GALNT17: variants seen among roughly 807,000 people sequenced by gnomAD.
The protein encoded by GALNT17 is UDP-GalNAc:polypeptide N-acetylgalactosaminyltransferase-like 3.
Under a neutral mutation model 63.7 loss-of-function variants are expected in GALNT17, and 29 were observed. That is an observed-to-expected ratio of 0.46 (90% CI 0.34 to 0.62). The LOEUF is 0.62. GALNT17 is among the 20% of genes least tolerant of loss of function. The pLI is 0.01. For missense variants in GALNT17, 603 were observed against 799.6 expected (o/e 0.75, Z 2.97); for synonymous variants, 305 against 318.3 (o/e 0.96, Z 0.45).
chr7:71,336,519 C>G (rs1297083903), intron 2 of GALNT17, among the ~76,000 whole-genome samples: 1 of 152,128 alleles, frequency 6.6e-6, no homozygotes, highest in Non-Finnish European at 1.5e-5. Flanking sequence ...AAGTAGGCCT[C>G]ATGTCTATTG....
chr7:71,294,368 A>G (rs563985429), intron 1 of GALNT17, among the ~76,000 whole-genome samples: 165 of 149,528 alleles, frequency 1.1e-3, no homozygotes, highest in African/African-American at 3.9e-3. Context: ...TGGAATGCTC[A>G]CAATATGCAT....
chr7:71,168,164 A>G (rs781192272), intron 1 of GALNT17, among the ~76,000 whole-genome samples: 1 of 152,140 alleles, frequency 6.6e-6, no homozygotes, highest in Non-Finnish European at 1.5e-5. Context: ...TGGACTCTGT[A>G]TTCTGTCCAT....
chr7:71,540,597 T>C (rs1788873008), intron 5 of GALNT17, among the ~76,000 whole-genome samples: 1 of 152,056 alleles, frequency 6.6e-6, no homozygotes, highest in Non-Finnish European at 1.5e-5. Flanking sequence ...TGATGGACAC[T>C]AGGGTTTTGT....
At chr7:71,264,679 A>G (rs886764716) in intron 1 of GALNT17, among the ~76,000 whole-genome samples, 2 of 152,174 alleles carry the variant, frequency 1.3e-5, no homozygotes, top group African/African-American at 4.8e-5. Flanking sequence ...ATTTGCAGGG[A>G]CATGGATGGA....
chr7:71,288,653 C>T (rs1256543876), intron 1 of GALNT17, among the ~76,000 whole-genome samples: 1 of 152,070 alleles, frequency 6.6e-6, no homozygotes, highest in Admixed American at 6.6e-5. Flanking sequence ...GTGCAGTGAC[C>T]TTGCGTTTAG....
intron 1 of GALNT17, among the ~76,000 whole-genome samples, chr7:71,320,895 G>A (rs1040560327): frequency 2.6e-5 from 4 of 152,144 alleles, no homozygotes; most frequent in African/African-American, 9.7e-5. Context: ...TAATCACTGG[G>A]GATGTACCCA....
chr7:71,651,917 T>G (rs1488573428), intron 6 of GALNT17, among the ~76,000 whole-genome samples: 1 of 151,976 alleles, frequency 6.6e-6, no homozygotes, highest in Non-Finnish European at 1.5e-5. Context: ...TCCAGGCTGG[T>G]CTTGAACTCC....
intron 1 of GALNT17, among the ~76,000 whole-genome samples, chr7:71,298,653 G>T (rs1258646694): frequency 6.6e-6 from 1 of 151,848 alleles, no homozygotes; most frequent in Non-Finnish European, 1.5e-5. Flanking sequence ...GTGTGTTCAG[G>T]TCACTGTAAT....
chr7:71,237,986 A>G (rs1789925719), intron 1 of GALNT17, among the ~76,000 whole-genome samples: 1 of 152,234 alleles, frequency 6.6e-6, no homozygotes, highest in Non-Finnish European at 1.5e-5. Context: ...CAATGGAGTG[A>G]AAAATATCCA....
intron 1 of GALNT17, among the ~76,000 whole-genome samples, chr7:71,290,807 C>T (rs1400140342): frequency 6.6e-6 from 1 of 152,136 alleles, no homozygotes; most frequent in African/African-American, 2.4e-5. Context: ...GCTCAGACTC[C>T]AGAGAGCCGT....
chr7:71,635,772 T>C (rs1030871942), intron 6 of GALNT17, among the ~76,000 whole-genome samples: 1 of 152,228 alleles, frequency 6.6e-6, no homozygotes, highest in African/African-American at 2.4e-5. Context: ...AGAGGTGGAT[T>C]ATTCATGCCT....
At position 71,551,194 on chromosome 7, in the gene GALNT17, G is replaced by A. The variant is rs1300105472; in HGVS notation, c.963-20091G>A. ...ATTCTTCATAGTTTCTTCTGTCTTA[G>A]CCTCTAGTTCATTAATGCTCTCTTC... On this transcript the variant is annotated intron_variant, in intron 5 of 10. Transcript: ENST00000333538. Among the ~76,000 whole-genome samples, 5 of 152,004 alleles carry A rather than the reference G, an allele frequency of 3.3e-5. No individual in the cohort carries two copies. In the East Asian group the frequency reaches 9.7e-4, roughly 29 times the overall value.
chr7:71,244,817 G>A (rs775061557), intron 1 of GALNT17, among the ~76,000 whole-genome samples: 9 of 152,056 alleles, frequency 5.9e-5, no homozygotes, highest in Non-Finnish European at 1.2e-4. Flanking sequence ...GGGCATGGTG[G>A]TGCACACCTG....
intron 9 of GALNT17, among the ~76,000 whole-genome samples, chr7:71,694,694 C>T (rs1791514540): frequency 6.6e-6 from 1 of 152,170 alleles, no homozygotes; most frequent in Non-Finnish European, 1.5e-5. Flanking sequence ...CGGTGCCCAG[C>T]CATTATCCCC....
At chr7:71,422,719 C>T (rs1039149275) in intron 5 of GALNT17, among the ~76,000 whole-genome samples, 21 of 152,348 alleles carry the variant, frequency 1.4e-4, no homozygotes, top group African/African-American at 4.8e-4. Context: ...TTGCCATCTG[C>T]AGGGAGCTTG....
intron 2 of GALNT17, among the ~76,000 whole-genome samples, chr7:71,368,052 A>G (rs1211122191): frequency 6.6e-6 from 1 of 152,020 alleles, no homozygotes; most frequent in Non-Finnish European, 1.5e-5. Context: ...AGGCAGTGGC[A>G]GAATCTCTGG....
At chr7:71,165,313 G>A (rs553668169) in intron 1 of GALNT17, among the ~76,000 whole-genome samples, 3 of 152,294 alleles carry the variant, frequency 2.0e-5, no homozygotes, top group Non-Finnish European at 4.4e-5. Flanking sequence ...TTTGAGATAT[G>A]TATTAGTCTG....
chr7:71,305,250 G>T (rs1447635352), intron 1 of GALNT17, among the ~76,000 whole-genome samples: 1 of 152,046 alleles, frequency 6.6e-6, no homozygotes, highest in East Asian at 1.9e-4. Flanking sequence ...AGTTTTTTGG[G>T]ATAGTTTTTC....
At chr7:71,660,011 A>C (rs1367300539) in intron 6 of GALNT17, among the ~76,000 whole-genome samples, 2 of 152,038 alleles carry the variant, frequency 1.3e-5, no homozygotes, top group Non-Finnish European at 2.9e-5. Context: ...GTGATGGTGC[A>C]TTTCTGCCTG....
Sources: allele counts gnomAD v4.1 joint callset (sites outside exome capture counted in the v4.1 genomes callset), GRCh38; gene constraint gnomAD v4.1.1; transcripts MANE v1.5; gene names NCBI Gene and HGNC (gene_info 2026-07-23, HGNC 2026-07-21).